Variants in PLEKHD1 observed in about 807,000 individuals in gnomAD.
PLEKHD1 encodes pleckstrin homology domain-containing family D member 1.
In PLEKHD1, 51 loss-of-function variants were observed where a neutral mutation model predicts 69.2. The ratio of observed to expected loss-of-function variants is 0.74; its 90% CI spans 0.59 to 0.93. PLEKHD1 has a LOEUF of 0.93. PLEKHD1 is among the 40% of genes least tolerant of loss of function. The pLI is 0.00. For synonymous variants in PLEKHD1, 236 were observed against 244.7 expected (o/e 0.96, Z 0.33); for missense variants, 584 against 641.0 (o/e 0.91, Z 0.96).
Position 69,500,676 on chromosome 14 carries a change from G to A in PLEKHD1, c.333+10G>A, listed in dbSNP as rs111826038. On this transcript the variant is annotated intron_variant, in intron 3 of 12. Coordinates refer to ENST00000322564, the MANE Select transcript of PLEKHD1 (RefSeq NM_001161498.2). The stretch of plus-strand genomic sequence containing the variant: ...CCACCAGGACTTCCATGTGAGTAAA[G>A]CTCTTCCCTCAGCCTGGGCTCCGCA... 3.0e-3 allele frequency: 4,641 copies of A among 1,550,668 alleles called. 126 individuals are homozygous for A. In the African/African-American group the frequency reaches 0.055, roughly 18 times the overall value.
the PLEKHD1 span, among the ~76,000 whole-genome samples, chr14:69,469,973 A>G: frequency 1.3e-5 from 2 of 151,262 alleles, no homozygotes; most frequent in South Asian, 4.2e-4. Flanking sequence ...CCACCCACCT[A>G]GGCCTCCCAA....
chr14:69,500,586 C>T lies in PLEKHD1; in HGVS notation c.253C>T (p.Pro85Ser). The T allele has an allele frequency of 6.5e-7, 1 of 1,549,918 alleles. No homozygotes were observed. The highest frequency in any genetic ancestry group is 8.7e-7 in the Non-Finnish European group (1 of 1,146,164). Residue 85 changes from proline (P) to serine (S), a missense_variant, in exon 3 of 13, where the codon CCT becomes TCT. Transcript: ENST00000322564. Reference protein sequence around the residue: ...YFNIHPKGVIPLGGCLVEPKE... With the variant: ...YFNIHPKGVISLGGCLVEPKE... ...TCTGGTTCTTCCTCAGGGCGTCATC[C>T]CTCTGGGGGGCTGCCTGGTGGAGCC...
rs749433422 is a variant in PLEKHD1 at position 69,522,378 on chromosome 14, G to A, written c.650+1G>A. On this transcript the variant is annotated splice_donor_variant, in intron 7 of 12. Coordinates refer to ENST00000322564, the MANE Select transcript of PLEKHD1 (RefSeq NM_001161498.2). LOFTEE classifies it high-confidence loss of function. Reference sequence around the variant, plus strand: ...GAATGGAGCAGGAGCAGATCAAGAGGTGGTGGTGGTGCCTGGGAATTGGGG... The same window carrying A: ...GAATGGAGCAGGAGCAGATCAAGAGATGGTGGTGGTGCCTGGGAATTGGGG... The A allele has an allele frequency of 1.9e-6, 3 of 1,551,246 alleles. No individual in the cohort carries two copies. The South Asian group carries it at 3.6e-5, about 18-fold the overall frequency.
At chr14:69,519,041 A>C (rs1050228914) in intron 6 of PLEKHD1, among the ~76,000 whole-genome samples, 2 of 152,090 alleles carry the variant, frequency 1.3e-5, no homozygotes, top group Non-Finnish European at 2.9e-5. Context: ...AAGGCCCAGG[A>C]AGCCAGGCAG....
chr14:69,515,360 T>C (rs1566563115), intron 6 of PLEKHD1, among the ~76,000 whole-genome samples: 1 of 152,188 alleles, frequency 6.6e-6, no homozygotes, highest in African/African-American at 2.4e-5. Context: ...GAGTTTTAAC[T>C]CTTCAAACTG....
At position 69,500,263 on chromosome 14, in the gene PLEKHD1, A is replaced by C. The variant is rs1343776278; in HGVS notation, c.243+55A>C. 5.1e-6 allele frequency: 7 copies of C among 1,373,018 alleles called. No homozygotes were observed. In the Admixed American group the frequency reaches 1.4e-4, roughly 28 times the overall value. The allele number at this position is 1,373,018 out of a possible 1,614,324, so 85.1% of individuals were successfully genotyped here. A position where few individuals can be genotyped will look rare whatever the true frequency, so the allele number is the denominator to read the frequency against. ...GGGGAGGGCCCAGTGCGGGCATCAG[A>C]GCTTGCATCTTGTGAGGGGAGGGGA... On this transcript the variant is annotated intron_variant, in intron 2 of 12. Transcript: ENST00000322564.
chr14:69,526,100 G>C lies in PLEKHD1; in HGVS notation c.901G>C (p.Glu301Gln). The C allele has an allele frequency of 6.4e-7, 1 of 1,550,950 alleles. No homozygotes were observed. The highest frequency in any genetic ancestry group is 1.2e-5 in the South Asian group (1 of 83,934). Residue 301 changes from glutamate (E) to glutamine (Q), a missense_variant, in exon 9 of 13, where the codon GAG becomes CAG. Glu to Gln is a conservative substitution (Grantham distance 29). Transcript: ENST00000322564. ...GGAGAAGATGCAGCAGCTCTTAGAG[G>C]AGAAGCTCCTGGCAGAGAAGCGGTG... ...IEEKMQQLLEEKLLAEKRMKE... is the reference protein window; with the variant it reads ...IEEKMQQLLEQKLLAEKRMKE...
chr14:69,505,030 A>C (rs1883120538), intron 6 of PLEKHD1, among the ~76,000 whole-genome samples: 1 of 152,352 alleles, frequency 6.6e-6, no homozygotes, highest in South Asian at 2.1e-4. Flanking sequence ...AGGAAAATTT[A>C]GACACTCTAT....
chr14:69,501,479 C>G (rs1365883292), intron 4 of PLEKHD1: 1 of 414,558 alleles, frequency 2.4e-6, no homozygotes, highest in Non-Finnish European at 4.3e-6. Context: ...CTCCTCCCTG[C>G]TCTAAAAGTG....
At chr14:69,477,184 T>G in the PLEKHD1 span, among the ~76,000 whole-genome samples, 1 of 152,106 alleles carries the variant, frequency 6.6e-6, no homozygotes, top group Admixed American at 6.5e-5. Context: ...GGCTAATTTT[T>G]GGATTTTTAG....
the PLEKHD1 span, among the ~76,000 whole-genome samples, chr14:69,474,155 C>A: frequency 2.0e-5 from 3 of 152,190 alleles, no homozygotes; most frequent in South Asian, 6.2e-4. Flanking sequence ...CCTAGCTAGC[C>A]CTGAGAAGTG....
At chr14:69,527,634 A>C in intron 11 of PLEKHD1, 149 bp from the exon 12 acceptor site, 2 of 1,078,004 alleles carry the variant, frequency 1.9e-6, no homozygotes, top group Non-Finnish European at 1.3e-6. Flanking sequence ...AAGGCAAAGA[A>C]AGTCCCCTTC....
Position 69,529,748 on chromosome 14 carries a change from A to G in PLEKHD1, c.*1329A>G, listed in dbSNP as rs1394761477. 1 of 152,148 alleles carries G rather than the reference A, an allele frequency of 6.6e-6. No individual in the cohort carries two copies. Among genetic ancestry groups the G allele is most frequent in the East Asian group, 1.9e-4 (1 of 5,196 alleles). The allele number at this position is 152,148 out of a possible 1,614,324, so 9.4% of individuals were successfully genotyped here. A position where few individuals can be genotyped will look rare whatever the true frequency, so the allele number is the denominator to read the frequency against. On this transcript the variant is annotated 3_prime_UTR_variant, in exon 13 of 13. Coordinates refer to ENST00000322564, the MANE Select transcript of PLEKHD1 (RefSeq NM_001161498.2). ...TTTCAGCCTGTGAAGCAATGTGACCATGAACTCTGGCAGCTGGGGACCCTG... is the reference window on the plus strand; with the variant it reads ...TTTCAGCCTGTGAAGCAATGTGACCGTGAACTCTGGCAGCTGGGGACCCTG...
At chr14:69,475,790 A>G in the PLEKHD1 span, among the ~76,000 whole-genome samples, 2 of 152,196 alleles carry the variant, frequency 1.3e-5, no homozygotes, top group African/African-American at 4.8e-5. Flanking sequence ...CCTTTGGCCT[A>G]CTGGCTTTGC....
intron 1 of PLEKHD1, among the ~76,000 whole-genome samples, chr14:69,485,385 A>T (rs1882634264): frequency 6.6e-6 from 1 of 152,166 alleles, no homozygotes; most frequent in African/African-American, 2.4e-5. Flanking sequence ...GGCAGAAGAG[A>T]CCGTGGTCGG....
At chr14:69,478,698 T>C in the PLEKHD1 span, among the ~76,000 whole-genome samples, 1 of 152,350 alleles carries the variant, frequency 6.6e-6, no homozygotes, top group East Asian at 1.9e-4. Context: ...AACAAGTTCC[T>C]CATCTCCATC....
At chr14:69,493,969 G>A (rs1882831951) in intron 1 of PLEKHD1, among the ~76,000 whole-genome samples, 1 of 152,196 alleles carries the variant, frequency 6.6e-6, no homozygotes, top group South Asian at 2.1e-4. Flanking sequence ...GCAGGGATAA[G>A]CCATGTGTTG....
intron 6 of PLEKHD1, among the ~76,000 whole-genome samples, chr14:69,511,046 A>C (rs1883259388): frequency 6.6e-6 from 1 of 152,180 alleles, no homozygotes; most frequent in East Asian, 1.9e-4. Flanking sequence ...GGATTATATT[A>C]ATTGATTTTC....
At chr14:69,486,010 G>C (rs1483300758) in intron 1 of PLEKHD1, among the ~76,000 whole-genome samples, 1 of 152,204 alleles carries the variant, frequency 6.6e-6, no homozygotes. Context: ...CAGGTGCTGT[G>C]GGCCATTTTC....
Sources: allele counts gnomAD v4.1 joint callset (sites outside exome capture counted in the v4.1 genomes callset), GRCh38; gene constraint gnomAD v4.1.1; transcripts MANE v1.5; gene names NCBI Gene and HGNC (gene_info 2026-07-23, HGNC 2026-07-21).